ROCK2: variants seen among roughly 807,000 people sequenced by gnomAD.
ROCK2 encodes Rho associated coiled-coil containing protein kinase 2, also known as rho-associated protein kinase 2.
A neutral mutation model predicts 195.1 loss-of-function variants in ROCK2; 61 were observed. The observed-to-expected ratio is 0.31, with a 90% CI of 0.25 to 0.39. The LOEUF is 0.39. ROCK2 is among the 10% of genes least tolerant of loss of function. The pLI is 1.00. For missense variants in ROCK2, 1,109 were observed against 1,637.4 expected (o/e 0.68, Z 5.57); for synonymous variants, 504 against 545.5 (o/e 0.92, Z 1.06).
intron 4 of ROCK2, 72 bp downstream of exon 4, chr2:11,249,589 C>T: frequency 8.1e-7 from 1 of 1,234,988 alleles, no homozygotes; most frequent in Non-Finnish European, 1.1e-6. Context: ...ACTTGGCACA[C>T]AAAAATCAAC....
intron 1 of ROCK2, among the ~76,000 whole-genome samples, chr2:11,301,875 T>A (rs1215009888): frequency 6.6e-6 from 1 of 152,116 alleles, no homozygotes; most frequent in Non-Finnish European, 1.5e-5. Flanking sequence ...TGCCCCTTAC[T>A]TCAAGTCATT....
chr2:11,199,781 T>C (rs1455388253), intron 23 of ROCK2, among the ~76,000 whole-genome samples: 3 of 152,214 alleles, frequency 2.0e-5, no homozygotes, highest in Admixed American at 6.5e-5. Context: ...TTCATGGACA[T>C]TTGAGTTTTT....
chr2:11,199,149 C>G (rs1204890131), intron 23 of ROCK2, among the ~76,000 whole-genome samples: 3 of 151,898 alleles, frequency 2.0e-5, no homozygotes, highest in Non-Finnish European at 4.4e-5. Context: ...GATCGCCCGC[C>G]TAGGCCTCTC....
chr2:11,191,693 C>T (rs1352232418), intron 32 of ROCK2, among the ~76,000 whole-genome samples: 1 of 152,110 alleles, frequency 6.6e-6, no homozygotes, highest in East Asian at 1.9e-4. Flanking sequence ...TAAGTCCTCA[C>T]TGGACATCAT....
chr2:11,316,834 A>T (rs1044738296), intron 1 of ROCK2, among the ~76,000 whole-genome samples: 2 of 152,202 alleles, frequency 1.3e-5, no homozygotes, highest in Non-Finnish European at 2.9e-5. Flanking sequence ...ACAAAATAGT[A>T]AGTGAATGAA....
chr2:11,203,234 G>A (rs575594409), intron 20 of ROCK2, among the ~76,000 whole-genome samples: 4 of 152,156 alleles, frequency 2.6e-5, no homozygotes, highest in East Asian at 1.9e-4. Flanking sequence ...ATAGTTATCC[G>A]AAACCAAAAC....
At chr2:11,314,459 ACATAT>A (rs1274056855) in intron 1 of ROCK2, among the ~76,000 whole-genome samples, 6 of 151,836 alleles carry the variant, frequency 4.0e-5, no homozygotes, top group Non-Finnish European at 8.8e-5. Flanking sequence ...ATTGGTACCA[ACATAT>A]TACAATTTCC....
intron 32 of ROCK2, among the ~76,000 whole-genome samples, chr2:11,186,864 T>G (rs1418538447): frequency 7.2e-5 from 11 of 152,198 alleles, no homozygotes; most frequent in Admixed American, 6.5e-4. Flanking sequence ...AGATCTTTCT[T>G]AATGTCCTCA....
intron 3 of ROCK2, among the ~76,000 whole-genome samples, chr2:11,267,668 G>A (rs996818086): frequency 1.3e-5 from 2 of 150,128 alleles, no homozygotes; most frequent in African/African-American, 4.9e-5. Flanking sequence ...TCCCCTGAGC[G>A]CCATACCCCT....
At chr2:11,274,716 C>T (rs1432492157) in intron 3 of ROCK2, among the ~76,000 whole-genome samples, 1 of 152,144 alleles carries the variant, frequency 6.6e-6, no homozygotes, top group Admixed American at 6.6e-5. Flanking sequence ...TCATACTTCT[C>T]TAGAAAACTG....
chr2:11,183,838 C>T (rs1663094389), intron 32 of ROCK2, among the ~76,000 whole-genome samples: 1 of 152,172 alleles, frequency 6.6e-6, no homozygotes, highest in Non-Finnish European at 1.5e-5. Context: ...GGCTGTTCAA[C>T]CCTAAGCCAC....
intron 1 of ROCK2, chr2:11,307,934 G>GACA: frequency 7.0e-7 from 1 of 1,426,814 alleles, no homozygotes; most frequent in Non-Finnish European, 9.2e-7. Flanking sequence ...TCCTGGCCCT[G>GACA]TTAATGTCAG....
At chr2:11,277,024 C>T (rs1039987030) in intron 3 of ROCK2, among the ~76,000 whole-genome samples, 1 of 152,036 alleles carries the variant, frequency 6.6e-6, no homozygotes, top group Non-Finnish European at 1.5e-5. Context: ...GAATAGGGTA[C>T]ACAAATTTAC....
chr2:11,284,675 C>T (rs1313475071), intron 3 of ROCK2, among the ~76,000 whole-genome samples: 1 of 152,126 alleles, frequency 6.6e-6, no homozygotes, highest in Non-Finnish European at 1.5e-5. Context: ...AAAGCAGCCC[C>T]AAATTTCTTT....
At chr2:11,207,611 A>C (rs1664098980) in intron 20 of ROCK2, 115 bp downstream of exon 20, 5 of 741,448 alleles carry the variant, frequency 6.7e-6, no homozygotes, top group Non-Finnish European at 1.0e-5. Flanking sequence ...TACAGAAATA[A>C]ATAGAAAACA....
intron 4 of ROCK2, among the ~76,000 whole-genome samples, chr2:11,240,592 A>G (rs1025463127): frequency 2.6e-5 from 4 of 152,186 alleles, no homozygotes; most frequent in African/African-American, 7.2e-5. Flanking sequence ...AAGCACATTA[A>G]TGGTTGCCTG....
In ROCK2 at chr2:11,220,141, C is replaced by T. The variant is rs1014759989; in HGVS notation, c.1259+1057G>A. Among the ~76,000 whole-genome samples, 6 of 152,218 alleles carry T rather than the reference C, an allele frequency of 3.9e-5. No homozygotes were observed. The South Asian group carries it at 6.2e-4, about 16-fold the overall frequency. On this transcript the variant is annotated intron_variant, in intron 9 of 32. Coordinates refer to ENST00000315872, the MANE Select transcript of ROCK2 (RefSeq NM_004850.5). ...CAAGCGATTCTCCTGCCTCAACCTC[C>T]AGAGTAGCTGGGATTACAGGCATGT...
At chr2:11,208,181 CTAT>C in intron 19 of ROCK2, 103 bp downstream of exon 19, 1 of 666,686 alleles carries the variant, frequency 1.5e-6, no homozygotes, top group Non-Finnish European at 2.1e-6. Context: ...AGGTTGCAGA[CTAT>C]TATAAGAAAA....
chr2:11,201,806 A>G lies in ROCK2; in HGVS notation c.2619+246T>C, dbSNP rs1663862086. 6.6e-6 allele frequency among the ~76,000 whole-genome samples: 1 copy of G among 152,220 alleles called. No homozygotes were observed. Among genetic ancestry groups the G allele is most frequent in the Admixed American group, 6.5e-5 (1 of 15,286 alleles). On this transcript the variant is annotated intron_variant, in intron 21 of 32. Transcript: ENST00000315872. The surrounding 1 kb of genome is among the most constrained non-coding windows in gnomAD (Gnocchi z 4.6). ...AAAAAAGCACAACTATTAAAATGAT[A>G]ATTTTATTACAATTTTATTTCTTGC...
Sources: gnomAD v4.1 joint callset for allele counts (sites outside exome capture counted in the v4.1 genomes callset) on GRCh38, gnomAD v4.1.1 for gene constraint, Gnocchi (gnomAD v3.1) non-coding constraint, MANE v1.5 for transcripts, NCBI Gene and HGNC (gene_info 2026-07-23, HGNC 2026-07-21) for gene names.